Variants in DGKB observed in about 807,000 individuals in gnomAD.
The protein encoded by DGKB is diacylglycerol kinase beta.
DGKB carries 67 observed loss-of-function variants against 114.3 expected under a neutral mutation model. The observed-to-expected ratio is 0.59, with a 90% CI of 0.48 to 0.72. The LOEUF (loss-of-function observed/expected upper bound fraction) is 0.72. DGKB is among the 30% of genes least tolerant of loss of function. DGKB has a pLI of 0.00. For missense variants in DGKB, 907 were observed against 975.2 expected, an observed-to-expected ratio of 0.93 and a Z score of 0.93; for synonymous variants, 398 against 323.1, an observed-to-expected ratio of 1.23 and a Z score of -2.49.
chr7:14,750,405 G>A (rs891096828), intron 4 of DGKB, among the ~76,000 whole-genome samples: 4 of 152,264 alleles, frequency 2.6e-5, no homozygotes, highest in South Asian at 2.1e-4. Context: ...TCTTGAAAAC[G>A]TTGTGTTGAC....
intron 21 of DGKB, among the ~76,000 whole-genome samples, chr7:14,442,948 C>G (rs1286784180): frequency 1.3e-5 from 2 of 152,138 alleles, no homozygotes; most frequent in East Asian, 3.9e-4. Flanking sequence ...AAAAATTCAC[C>G]TTAACATTAC....
intron 2 of DGKB, among the ~76,000 whole-genome samples, chr7:14,807,164 T>G (rs1332072241): frequency 6.6e-6 from 1 of 152,160 alleles, no homozygotes; most frequent in East Asian, 1.9e-4. Flanking sequence ...CCTCCGTGTC[T>G]CTTTCTATAG....
intron 1 of DGKB, among the ~76,000 whole-genome samples, chr7:14,956,174 T>C (rs1338702131): frequency 6.6e-6 from 1 of 151,930 alleles, no homozygotes; most frequent in African/African-American, 2.4e-5. Context: ...CAAATAGAGA[T>C]TAGGAAATTA....
At chr7:14,288,303 TTTA>T (rs1268674273) in intron 23 of DGKB, among the ~76,000 whole-genome samples, 2 of 147,496 alleles carry the variant, frequency 1.4e-5, no homozygotes, top group Non-Finnish European at 3.0e-5. Context: ...TTTTTTTTTT[TTTA>T]CTGATATAGC....
Position 14,711,118 on chromosome 7 carries a change from T to A in DGKB, c.466+7424A>T, listed in dbSNP as rs187307508. On this transcript the variant is annotated intron_variant, in intron 6 of 25. Transcript: ENST00000402815. ...TTTCCAGTTGATTCCAGTAGGAAGG[T>A]TGGTCTGAAAATCCCTACTTCACTA... 2.0e-3 allele frequency among the ~76,000 whole-genome samples: 297 copies of A among 152,192 alleles called. 1 individual carries two copies. Among genetic ancestry groups the A allele is most frequent in the Non-Finnish European group, 2.7e-3 (185 of 67,966 alleles).
chr7:14,493,534 C>A (rs1023695315), intron 20 of DGKB, among the ~76,000 whole-genome samples: 1 of 151,974 alleles, frequency 6.6e-6, no homozygotes, highest in Non-Finnish European at 1.5e-5. Flanking sequence ...TGATATGAAG[C>A]TTACAGGATG....
intron 23 of DGKB, among the ~76,000 whole-genome samples, chr7:14,320,019 C>T (rs75470722): frequency 0.017 from 2,629 of 152,290 alleles, 47 homozygotes; most frequent in African/African-American, 0.051. Context: ...TTTCCACTAC[C>T]CCAAAAGCAG....
intron 1 of DGKB, among the ~76,000 whole-genome samples, chr7:14,955,196 G>A (rs529835127): frequency 9.2e-5 from 14 of 152,104 alleles, no homozygotes; most frequent in African/African-American, 2.9e-4. Flanking sequence ...TCATTTGCAA[G>A]AACAAATCTA....
Position 14,685,392 on chromosome 7 carries a change from A to C in DGKB, c.712-30T>G, listed in dbSNP as rs769523715. 2.7e-6 allele frequency: 4 copies of C among 1,485,876 alleles called. No individual in the cohort carries two copies. In the South Asian group the frequency reaches 3.4e-5, roughly 13 times the overall value. The allele number at this position is 1,485,876 out of a possible 1,614,324, so 92.0% of individuals were successfully genotyped here. A position where few individuals can be genotyped will look rare whatever the true frequency, so the allele number is the denominator to read the frequency against. The stretch of plus-strand genomic sequence containing the variant: ...ATGGGACGTAAGAGAAACAGATTTC[A>C]CTTAATGAAATAAACAGTGAAAGAT... On this transcript the variant is annotated intron_variant, in intron 9 of 25. Transcript: ENST00000402815.
chr7:14,735,245 A>G (rs1025269758), intron 5 of DGKB, among the ~76,000 whole-genome samples: 1 of 152,080 alleles, frequency 6.6e-6, no homozygotes, highest in African/African-American at 2.4e-5. Context: ...AGGAAGTATC[A>G]CTTCCACAAA....
intron 1 of DGKB, among the ~76,000 whole-genome samples, chr7:14,956,512 C>T (rs975709709): frequency 2.0e-5 from 3 of 151,988 alleles, no homozygotes; most frequent in Admixed American, 6.6e-5. Flanking sequence ...CTAATGGGCT[C>T]ATATCTTTAG....
intron 1 of DGKB, among the ~76,000 whole-genome samples, chr7:14,843,143 G>A (rs186012009): frequency 1.6e-3 from 248 of 151,656 alleles, no homozygotes; most frequent in African/African-American, 5.9e-3. Context: ...CTGGAGCCCA[G>A]GAGGCTGAGG....
Position 14,338,636 on chromosome 7 carries a change from A to T in DGKB, c.2001T>A (p.His667Gln). Reference sequence around the variant, plus strand: ...ACTCTCCCCAAAGATTGGATCCTCCATGCATGCTTGGTATATTCAAAATAG... The same window carrying T: ...ACTCTCCCCAAAGATTGGATCCTCCTTGCATGCTTGGTATATTCAAAATAG... Reference protein sequence around the residue: ...GIAILNIPSMHGGSNLWGESK... With the variant: ...GIAILNIPSMQGGSNLWGESK... Residue 667 changes from histidine to glutamine, a missense_variant, in exon 23 of 26, where the codon CAT (histidine) becomes CAA (glutamine). His to Gln is a conservative substitution (Grantham distance 24, BLOSUM62 0). This residue lies in a region of DGKB where 814 missense variants were observed against 856.6 expected (regional missense o/e 0.95). Coordinates refer to ENST00000402815, the MANE Select transcript of DGKB (RefSeq NM_001350709.2). 1.2e-6 allele frequency: 2 copies of T among 1,608,514 alleles called. No homozygotes were observed. The highest frequency in any genetic ancestry group is 8.5e-7 in the Non-Finnish European group (1 of 1,176,742).
At chr7:14,152,925 C>T (rs760694251) in intron 25 of DGKB, among the ~76,000 whole-genome samples, 1 of 152,010 alleles carries the variant, frequency 6.6e-6, no homozygotes, top group African/African-American at 2.4e-5. Flanking sequence ...ATTCAGGTGC[C>T]CCCTATTTCA....
chr7:14,634,517 CTT>C (rs1253247728), intron 13 of DGKB, among the ~76,000 whole-genome samples: 22 of 149,220 alleles, frequency 1.5e-4, no homozygotes, highest in Non-Finnish European at 2.8e-4. Context: ...CACACACACA[CTT>C]GTTTTGCCTG....
chr7:14,706,559 C>G (rs1228606538), intron 6 of DGKB, among the ~76,000 whole-genome samples: 2 of 135,978 alleles, frequency 1.5e-5, no homozygotes, highest in African/African-American at 5.6e-5. Context: ...TGACCACATA[C>G]TTGGAAGTAA....
chr7:14,179,754 TA>T (rs1250025484), intron 23 of DGKB, among the ~76,000 whole-genome samples: 1 of 152,198 alleles, frequency 6.6e-6, no homozygotes, highest in Non-Finnish European at 1.5e-5. Context: ...AAGTGAATAA[TA>T]AAAATCTATT....
chr7:14,371,391 T>C (rs919583600), intron 21 of DGKB, among the ~76,000 whole-genome samples: 1 of 152,212 alleles, frequency 6.6e-6, no homozygotes, highest in Non-Finnish European at 1.5e-5. Flanking sequence ...AGTATCTCAC[T>C]GTGGTTTTGA....
intron 20 of DGKB, among the ~76,000 whole-genome samples, chr7:14,564,716 T>C (rs926948174): frequency 1.3e-5 from 2 of 152,194 alleles, no homozygotes; most frequent in African/African-American, 4.8e-5. Context: ...CCAGACTTCT[T>C]AGCAGCTTTC....
Sources: gnomAD v4.1 joint callset for allele counts (sites outside exome capture counted in the v4.1 genomes callset) on GRCh38, gnomAD v4.1.1 for gene constraint, gnomAD v4.1.1 regional missense constraint, MANE v1.5 for transcripts, NCBI Gene and HGNC (gene_info 2026-07-23, HGNC 2026-07-21) for gene names.